TTC27: variants seen among roughly 807,000 people sequenced by gnomAD.
TTC27 encodes the protein tetratricopeptide repeat domain 27.
In TTC27, 79 loss-of-function variants were observed where a neutral mutation model predicts 115.9. The observed-to-expected ratio is 0.68, with a 90% CI of 0.57 to 0.82. The LOEUF (loss-of-function observed/expected upper bound fraction) is 0.82, where lower values mean the gene tolerates loss of function less well. TTC27 is among the 40% of genes least tolerant of loss of function. The probability of loss-of-function intolerance (pLI) is 0.00; values close to 1 mark genes in which losing one functional copy is unlikely to be tolerated. For synonymous variants in TTC27, 401 were observed against 356.0 expected (o/e 1.13, Z -1.42); for missense variants, 1,054 against 993.1 (o/e 1.06, Z -0.82).
rs1297454576 is a variant in TTC27, at chr2:32,758,477, T to G, written c.1638T>G (p.Cys546Trp). ...LHLRNKEFQE[C>W]VECFERSVKI... ...TTCGGAACAAGGAGTTTCAAGAGTG[T>G]GTAGAGTGCTTCGAACGCTCGGTTA... is the stretch of plus-strand genomic sequence containing the variant. Residue 546 changes from cysteine to tryptophan, a missense_variant, in exon 13 of 20, where the codon TGT becomes TGG. By Grantham distance (215) the Cys-to-Trp change is radical. Transcript: ENST00000317907. The G allele has an allele frequency of 6.2e-7, 1 of 1,614,030 alleles. No homozygotes were observed. The highest frequency in any genetic ancestry group is 8.5e-7 in the Non-Finnish European group (1 of 1,180,028).
intron 9 of TTC27, among the ~76,000 whole-genome samples, chr2:32,697,344 T>C (rs918481739): frequency 1.3e-5 from 2 of 152,252 alleles, no homozygotes; most frequent in Non-Finnish European, 2.9e-5. Context: ...CCTCTCAATA[T>C]GTAAGACACC....
At chr2:32,764,575 G>A (rs1368250087) in intron 13 of TTC27, among the ~76,000 whole-genome samples, 2 of 152,180 alleles carry the variant, frequency 1.3e-5, no homozygotes, top group African/African-American at 4.8e-5. Context: ...TGGAGTAGCT[G>A]TGGCAATTCC....
At chr2:32,778,305 G>A (rs1254403354) in intron 14 of TTC27, among the ~76,000 whole-genome samples, 3 of 151,980 alleles carry the variant, frequency 2.0e-5, no homozygotes, top group Non-Finnish European at 4.4e-5. Context: ...TTTTAGGGTG[G>A]AGTCTTTTTA....
intron 12 of TTC27, among the ~76,000 whole-genome samples, chr2:32,750,729 A>G (rs1352408809): frequency 6.6e-6 from 1 of 152,248 alleles, no homozygotes; most frequent in Non-Finnish European, 1.5e-5. Context: ...TATAAAGTTA[A>G]ATATTTAATT....
intron 10 of TTC27, among the ~76,000 whole-genome samples, chr2:32,711,545 G>A (rs1667581798): frequency 6.6e-6 from 1 of 152,176 alleles, no homozygotes; most frequent in African/African-American, 2.4e-5. Context: ...AAAATTACAT[G>A]TATATATTAA....
chr2:32,787,010 A>G lies in TTC27; in HGVS notation c.1859A>G (p.Glu620Gly), dbSNP rs1318059635. Reference protein sequence around the residue: ...QKVKAFRTLQEALKCNYEHWQ... With the variant: ...QKVKAFRTLQGALKCNYEHWQ... The stretch of plus-strand genomic sequence containing the variant: ...GTAAAAGCTTTTAGAACTTTACAAG[A>G]AGCTCTCAAGTGTAACTATGAACAC... Residue 620 changes from glutamate (E) to glycine (G), a missense_variant, in exon 16 of 20, where the codon GAA becomes GGA. Transcript: ENST00000317907. 3.1e-6 allele frequency: 5 copies of G among 1,612,842 alleles called. No homozygotes were observed. In the African/African-American group the frequency reaches 5.3e-5, roughly 17 times the overall value.
In TTC27 at chr2:32,678,907, T is replaced by G. The variant is rs1412039411; in HGVS notation, c.1104T>G (p.Leu368=). The part of the protein sequence containing the change: ...NPVHTLTEVE[L]LAFTSCLLSQ... ...TGCACACATTAACTGAAGTGGAGCTTCTGGCATTTACATCAGTGAGTAATG... is the reference window on the plus strand; with the variant it reads ...TGCACACATTAACTGAAGTGGAGCTGCTGGCATTTACATCAGTGAGTAATG... Residue 368 remains leucine (L), a synonymous_variant, in exon 9 of 20, where the codon CTT becomes CTG. Transcript: ENST00000317907. The G allele has an allele frequency of 6.2e-7, 1 of 1,613,432 alleles. No homozygotes were observed. Among genetic ancestry groups the G allele is most frequent in the East Asian group, 2.2e-5 (1 of 44,832 alleles).
chr2:32,803,827 G>A lies in TTC27; in HGVS notation c.1999-7197G>A, dbSNP rs566146932. Among the ~76,000 whole-genome samples, 6 of 152,060 alleles carry A rather than the reference G, an allele frequency of 3.9e-5. No homozygotes were observed. In the South Asian group the frequency reaches 6.2e-4, roughly 16 times the overall value. On this transcript the variant is annotated intron_variant, in intron 16 of 19. Coordinates refer to ENST00000317907, the MANE Select transcript of TTC27 (RefSeq NM_017735.5). ...GAATGACCAGCCTGGCCAACATGGC[G>A]AAAACCCATCTCTACTAAAAATACA...
chr2:32,698,633 C>G (rs1418261807), intron 9 of TTC27, among the ~76,000 whole-genome samples: 4 of 151,802 alleles, frequency 2.6e-5, no homozygotes, highest in African/African-American at 9.7e-5. Flanking sequence ...GCGCCCCCCA[C>G]CACGCCTGGC....
chr2:32,660,350 A>G lies in TTC27; in HGVS notation c.641-3953A>G, dbSNP rs146648705. 1.9e-4 allele frequency among the ~76,000 whole-genome samples: 29 copies of G among 152,204 alleles called. No individual in the cohort carries two copies. The East Asian group carries it at 4.6e-3, about 24-fold the overall frequency. ...TGTCTGCTCATATCTTTCAACCCAA[A>G]TGCCCATCAATGATAGACTGGATAA... is the stretch of plus-strand genomic sequence containing the variant. On this transcript the variant is annotated intron_variant, in intron 5 of 19. Transcript: ENST00000317907.
rs1399295524 is a variant in TTC27 at position 32,811,220 on chromosome 2, A to G, written c.2195A>G (p.Lys732Arg). The change falls in exon 17 of 20, where the codon AAG (lysine) becomes AGG (arginine). Residue 732 changes from lysine (K) to arginine (R), a missense_variant and splice_region_variant. By Grantham distance (26) the Lys-to-Arg change is conservative. Coordinates refer to ENST00000317907, the MANE Select transcript of TTC27 (RefSeq NM_017735.5). Reference protein sequence around the residue: ...GQSEKPDENEKAFQCLSKAYK... With the variant: ...GQSEKPDENERAFQCLSKAYK... ...AGTGAAAAGCCTGATGAAAATGAAA[A>G]GGCAAGTCCTTCATTCCTCCTGAGT... is the stretch of plus-strand genomic sequence containing the variant. 1.2e-6 allele frequency: 2 copies of G among 1,612,914 alleles called. No homozygotes were observed. Among genetic ancestry groups the G allele is most frequent in the South Asian group, 2.2e-5 (2 of 90,806 alleles).
At chr2:32,731,621 T>A (rs1216427371) in intron 10 of TTC27, among the ~76,000 whole-genome samples, 1 of 152,166 alleles carries the variant, frequency 6.6e-6, no homozygotes, top group Non-Finnish European at 1.5e-5. Flanking sequence ...TCAAGTGATC[T>A]TCCTACTTTG....
At chr2:32,799,354 G>A (rs929818495) in intron 16 of TTC27, among the ~76,000 whole-genome samples, 1 of 152,116 alleles carries the variant, frequency 6.6e-6, no homozygotes, top group Non-Finnish European at 1.5e-5. Flanking sequence ...CTGATGAATT[G>A]TACATTTAAA....
At chr2:32,778,184 A>T (rs1670061971) in intron 14 of TTC27, among the ~76,000 whole-genome samples, 1 of 152,190 alleles carries the variant, frequency 6.6e-6, no homozygotes. Flanking sequence ...ATTTTGATAA[A>T]ACAATTTTCT....
At chr2:32,782,024 T>A (rs1670195307) in intron 14 of TTC27, among the ~76,000 whole-genome samples, 1 of 152,178 alleles carries the variant, frequency 6.6e-6, no homozygotes, top group Admixed American at 6.5e-5. Context: ...CTATATTAGA[T>A]GAAAAGTGGA....
intron 9 of TTC27, among the ~76,000 whole-genome samples, chr2:32,684,024 G>A (rs1666539376): frequency 6.6e-6 from 1 of 152,022 alleles, no homozygotes; most frequent in Non-Finnish European, 1.5e-5. Context: ...TGGGCGTGGT[G>A]GTGCTCGCCT....
In TTC27 at chr2:32,695,144, AC is replaced by A. The variant is rs752448576; in HGVS notation, c.1120-7662del. Among the ~76,000 whole-genome samples the A allele has an allele frequency of 1.8e-4, 28 of 152,292 alleles. 3 individuals carry two copies. The highest frequency in any genetic ancestry group is 1.7e-3 in the Admixed American group (26 of 15,294). On this transcript the variant is annotated intron_variant, in intron 9 of 19. Coordinates refer to ENST00000317907, the MANE Select transcript of TTC27 (RefSeq NM_017735.5). ...ACCATCAGTATTATCAATATGCAGAACTTTTTCAGCTTTCCAAACTCTGTAT... is the reference window on the plus strand; with the variant it reads ...ACCATCAGTATTATCAATATGCAGAATTTTTCAGCTTTCCAAACTCTGTAT...
At chr2:32,766,119 A>G (rs769751092) in intron 13 of TTC27, among the ~76,000 whole-genome samples, 2 of 152,184 alleles carry the variant, frequency 1.3e-5, no homozygotes, top group African/African-American at 2.4e-5. Context: ...GGCCTGTCTC[A>G]GTTTTCGACA....
At chr2:32,730,625 T>TC (rs1293595821) in intron 10 of TTC27, among the ~76,000 whole-genome samples, 1 of 149,910 alleles carries the variant, frequency 6.7e-6, no homozygotes, top group African/African-American at 2.5e-5. Context: ...TTTCTTATTT[T>TC]TTTTTTTTTT....
Sources: gnomAD v4.1 joint callset for allele counts (sites outside exome capture counted in the v4.1 genomes callset) on GRCh38, gnomAD v4.1.1 for gene constraint, MANE v1.5 for transcripts, NCBI Gene and HGNC (gene_info 2026-07-23, HGNC 2026-07-21) for gene names.